Variants in NOL10 observed in about 807,000 individuals in gnomAD.
NOL10 encodes H_NH0074G24.1.
In NOL10, 58 loss-of-function variants were observed where a neutral mutation model predicts 103.5. That is an observed-to-expected ratio of 0.56 (90% CI 0.45 to 0.70). The LOEUF is 0.70. Ranked by LOEUF, NOL10 falls within the 30% of genes least tolerant of loss-of-function variation. The pLI, the probability that NOL10 is intolerant of heterozygous loss-of-function variation, is 0.00. For synonymous variants in NOL10, 287 were observed against 282.5 expected, an observed-to-expected ratio of 1.02 and a Z score of -0.16; for missense variants, 763 against 807.3, an observed-to-expected ratio of 0.95 and a Z score of 0.67.
chr2:10,684,995 C>T (rs988504056), intron 1 of NOL10, among the ~76,000 whole-genome samples: 6 of 152,060 alleles, frequency 3.9e-5, no homozygotes, highest in South Asian at 2.1e-4. Context: ...CCACCAGGCC[C>T]GGCCAGATAA....
chr2:10,679,514 A>T (rs1681569274), intron 3 of NOL10, among the ~76,000 whole-genome samples: 1 of 152,186 alleles, frequency 6.6e-6, no homozygotes, highest in Admixed American at 6.5e-5. Context: ...AAATAAAAAA[A>T]TTCAGTTCCT....
At chr2:10,614,448 T>C (rs1438890284) in intron 13 of NOL10, among the ~76,000 whole-genome samples, 9 of 152,262 alleles carry the variant, frequency 5.9e-5, no homozygotes, top group African/African-American at 2.2e-4. Flanking sequence ...AACAAATAAC[T>C]TTTTGCATTT....
At chr2:10,589,849 T>C (rs2148163789) in intron 17 of NOL10, 98 bp from the exon 18 acceptor site, 1 of 733,632 alleles carries the variant, frequency 1.4e-6, no homozygotes, top group East Asian at 3.0e-5. Context: ...TATAAGTTAA[T>C]AAGCGGCATG....
intron 13 of NOL10, among the ~76,000 whole-genome samples, chr2:10,629,089 T>C (rs893318469): frequency 1.3e-5 from 2 of 149,168 alleles, no homozygotes; most frequent in Admixed American, 6.7e-5. Flanking sequence ...TCCCTCCACC[T>C]CTCCCCTACA....
intron 17 of NOL10, among the ~76,000 whole-genome samples, chr2:10,592,183 AG>A (rs1675425190): frequency 6.6e-6 from 1 of 152,214 alleles, no homozygotes; most frequent in African/African-American, 2.4e-5. Flanking sequence ...ACAGTTTTTA[AG>A]AAAGAATAAT....
At chr2:10,651,820 C>T (rs941227145) in intron 12 of NOL10, among the ~76,000 whole-genome samples, 1 of 152,182 alleles carries the variant, frequency 6.6e-6, no homozygotes, top group Admixed American at 6.5e-5. Context: ...GCAATCTATT[C>T]CTGAACTCAC....
intron 11 of NOL10, among the ~76,000 whole-genome samples, chr2:10,655,193 G>C (rs922603356): frequency 6.7e-6 from 1 of 148,356 alleles, no homozygotes; most frequent in African/African-American, 2.5e-5. Context: ...GGGCGACAGA[G>C]TGAGATTCTG....
intron 20 of NOL10, among the ~76,000 whole-genome samples, chr2:10,575,993 T>A (rs1242116285): frequency 6.6e-6 from 1 of 152,130 alleles, no homozygotes; most frequent in Non-Finnish European, 1.5e-5. Context: ...AATAATGAAG[T>A]TTTTTATTAC....
chr2:10,647,714 A>G (rs1450125737), intron 12 of NOL10, among the ~76,000 whole-genome samples: 5 of 152,190 alleles, frequency 3.3e-5, no homozygotes, highest in Non-Finnish European at 7.3e-5. Flanking sequence ...AGTATGGGGC[A>G]TTTGAGTTTA....
intron 3 of NOL10, among the ~76,000 whole-genome samples, chr2:10,680,932 G>C (rs1035938661): frequency 6.6e-6 from 1 of 152,146 alleles, no homozygotes; most frequent in Admixed American, 6.5e-5. Context: ...AAATCTTAGA[G>C]ATATTTTTAA....
chr2:10,659,119 A>G, intron 10 of NOL10, 53 bp downstream of exon 10: 1 of 1,199,824 alleles, frequency 8.3e-7, no homozygotes, highest in Non-Finnish European at 1.2e-6. Flanking sequence ...TGACACATAC[A>G]CACACCACTG....
intron 1 of NOL10, among the ~76,000 whole-genome samples, chr2:10,685,912 A>ACGTAGAGAAGCCTCTAC (rs199563501): frequency 1.3e-4 from 14 of 110,644 alleles, no homozygotes; most frequent in East Asian, 1.0e-3. Context: ...AAAAAAAAAA[A>ACGTAGAGAAGCCTCTAC]GCAGCTGGGC....
intron 8 of NOL10, among the ~76,000 whole-genome samples, chr2:10,663,874 C>G (rs1208173339): frequency 6.6e-6 from 1 of 150,812 alleles, no homozygotes; most frequent in South Asian, 2.1e-4. Flanking sequence ...GGCATGAACC[C>G]GGGAGGCTGG....
intron 19 of NOL10, among the ~76,000 whole-genome samples, chr2:10,583,623 G>A (rs1035616860): frequency 2.0e-5 from 3 of 152,280 alleles, no homozygotes; most frequent in Admixed American, 2.0e-4. Context: ...ACATCTCTAC[G>A]TCATCCCTGA....
intron 13 of NOL10, chr2:10,634,472 C>T: frequency 4.4e-6 from 2 of 456,296 alleles, no homozygotes; most frequent in South Asian, 3.1e-5. Context: ...CTGATGTAGA[C>T]ACATTAAACA....
chr2:10,685,303 G>A (rs904962304), intron 1 of NOL10, among the ~76,000 whole-genome samples: 1 of 152,086 alleles, frequency 6.6e-6, no homozygotes, highest in Non-Finnish European at 1.5e-5. Context: ...GACCAGCCTG[G>A]CCAACATGGT....
At chr2:10,669,587 T>C (rs1680797535) in intron 6 of NOL10, among the ~76,000 whole-genome samples, 1 of 150,908 alleles carries the variant, frequency 6.6e-6, no homozygotes, top group Non-Finnish European at 1.5e-5. Context: ...TGCTACCTTT[T>C]TGATGACCAT....
chr2:10,642,059 G>T (rs1181825463), intron 13 of NOL10, among the ~76,000 whole-genome samples: 1 of 152,244 alleles, frequency 6.6e-6, no homozygotes, highest in Non-Finnish European at 1.5e-5. Flanking sequence ...AGAGGAAGAT[G>T]AAAGAGACCT....
intron 13 of NOL10, among the ~76,000 whole-genome samples, chr2:10,640,048 A>G (rs1313728658): frequency 6.6e-6 from 1 of 152,194 alleles, no homozygotes; most frequent in Admixed American, 6.5e-5. Context: ...AAGCTAAAAG[A>G]ACACTAAGTT....
Sources: gnomAD v4.1 joint callset for allele counts (sites outside exome capture counted in the v4.1 genomes callset) on GRCh38, gnomAD v4.1.1 for gene constraint, MANE v1.5 for transcripts, NCBI Gene and HGNC (gene_info 2026-07-23, HGNC 2026-07-21) for gene names.